ZNF284: variants seen among roughly 807,000 people sequenced by gnomAD.
ZNF284 encodes the protein zinc finger protein 284.
In ZNF284, 12 loss-of-function variants were observed where a neutral mutation model predicts 12.9. The ratio of observed to expected loss-of-function variants is 0.93; its 90% CI spans 0.60 to 1.51. The LOEUF (loss-of-function observed/expected upper bound fraction) is 1.51. ZNF284 is among the 40% of genes most tolerant of loss of function. ZNF284 has a pLI of 0.00. For missense variants in ZNF284, 667 were observed against 707.3 expected (o/e 0.94, Z 0.65); for synonymous variants, 225 against 236.5 (o/e 0.95, Z 0.45).
At position 44,089,286 on chromosome 19, in the gene ZNF284, CT is replaced by C. The variant is rs1048337717; in HGVS notation, c.*2027del. 13 of 152,080 alleles carry C rather than the reference CT, an allele frequency of 8.5e-5. No homozygotes were observed. Among genetic ancestry groups the C allele is most frequent in the Non-Finnish European group, 1.6e-4 (11 of 68,044 alleles). 9.4% of individuals were successfully genotyped at this position (152,080 alleles called of 1,614,324 possible). A position where few individuals can be genotyped will look rare whatever the true frequency, so the allele number is the denominator to read the frequency against. ...GGACTACAGGCATGGACCACCACCCCTGATTGATCTTCTTTAGTTTCTATAA... is the reference window on the plus strand; with the variant it reads ...GGACTACAGGCATGGACCACCACCCCGATTGATCTTCTTTAGTTTCTATAA... On this transcript the variant is annotated 3_prime_UTR_variant, in exon 5 of 5. Coordinates refer to ENST00000421176, the MANE Select transcript of ZNF284 (RefSeq NM_001037813.4).
intron 2 of ZNF284, among the ~76,000 whole-genome samples, chr19:44,078,498 C>T (rs1379002334): frequency 1.3e-5 from 2 of 152,148 alleles, no homozygotes; most frequent in Non-Finnish European, 1.5e-5. Context: ...GAGTTTTGCT[C>T]TGTTGCCTCG....
Position 44,083,315 on chromosome 19 carries a change from TC to T in ZNF284, c.235+1213del, listed in dbSNP as rs1967156305. Among the ~76,000 whole-genome samples the T allele has an allele frequency of 2.0e-5, 3 of 151,530 alleles. No individual in the cohort carries two copies. The South Asian group carries it at 6.3e-4, about 32-fold the overall frequency. ...TGGGTGTGGTAGCACAGTCCTGTAA[TC>T]CCAGCTACTCGGGTGGCTGAGGCGT... On this transcript the variant is annotated intron_variant, in intron 4 of 4. Transcript: ENST00000421176.
At position 44,085,943 on chromosome 19, in the gene ZNF284, C is replaced by A. The variant is rs1282916375; in HGVS notation, c.465C>A (p.Phe155Leu). The A allele has an allele frequency of 1.9e-6, 3 of 1,614,146 alleles. No individual in the cohort carries two copies. The highest frequency in any genetic ancestry group is 2.5e-6 in the Non-Finnish European group (3 of 1,180,012). Residue 155 changes from phenylalanine to leucine, a missense_variant, in exon 5 of 5, where the codon TTC (phenylalanine) becomes TTA (leucine). By Grantham distance (22) the Phe-to-Leu change is conservative. Transcript: ENST00000421176. The stretch of plus-strand genomic sequence containing the variant: ...CTGAGCATGGGAAGTGTAAAAAATT[C>A]TTCAGTGATGTCTCCATCCTTGATC... ...TPSEHGKCKKFFSDVSILDLH... is the reference protein window; with the variant it reads ...TPSEHGKCKKLFSDVSILDLH...
chr19:44,079,066 C>T (rs1275769323), intron 2 of ZNF284, among the ~76,000 whole-genome samples: 2 of 152,106 alleles, frequency 1.3e-5, no homozygotes, highest in Non-Finnish European at 2.9e-5. Flanking sequence ...GCTGGGATTA[C>T]AGGCATGAGC....
chr19:44,077,911 C>T (rs899243104), intron 2 of ZNF284, among the ~76,000 whole-genome samples: 8 of 152,154 alleles, frequency 5.3e-5, no homozygotes, highest in Admixed American at 4.6e-4. Flanking sequence ...GTCCTCTTCT[C>T]TTCCTGTTGT....
chr19:44,081,785 T>C (rs1416005579), intron 3 of ZNF284, among the ~76,000 whole-genome samples: 1 of 151,998 alleles, frequency 6.6e-6, no homozygotes, highest in East Asian at 1.9e-4. Flanking sequence ...TGAGAACTCA[T>C]CCACTATCAC....
At chr19:44,083,503 G>A (rs181273164) in intron 4 of ZNF284, among the ~76,000 whole-genome samples, 1,446 of 21,940 alleles carry the variant, frequency 0.066, 282 homozygotes, top group Middle Eastern at 0.18. Flanking sequence ...AGAGAGAGAG[G>A]GAATGGAATA....
rs74530567 is a variant in ZNF284, at chr19:44,086,861, A to G, written c.1383A>G (p.Gly461=). 4,252 of 1,613,834 alleles carry G rather than the reference A, an allele frequency of 2.6e-3. 9 individuals carry two copies. Among genetic ancestry groups the G allele is most frequent in the African/African-American group, 4.7e-3 (353 of 74,962 alleles). Residue 461 remains glycine, a synonymous_variant, in exon 5 of 5, where the codon GGA becomes GGG. Coordinates refer to ENST00000421176, the MANE Select transcript of ZNF284 (RefSeq NM_001037813.4). The stretch of plus-strand genomic sequence containing the variant: ...GACCTTATAATTGTAAGGAATGTGG[A>G]AAGAGCTTCAGGTGGGCCTCAGGTA... ...GERPYNCKEC[G]KSFRWASGIL...
chr19:44,072,680 A>G (rs150791915), intron 1 of ZNF284, among the ~76,000 whole-genome samples: 18 of 152,304 alleles, frequency 1.2e-4, no homozygotes, highest in Non-Finnish European at 2.2e-4. Context: ...GAAGCCTGTC[A>G]GGTCCCCGGG....
At chr19:44,073,778 G>C (rs888531047) in intron 1 of ZNF284, among the ~76,000 whole-genome samples, 3 of 151,986 alleles carry the variant, frequency 2.0e-5, no homozygotes, top group Non-Finnish European at 2.9e-5. Flanking sequence ...TTGATCTCCT[G>C]ACCTCATGAT....
chr19:44,082,334 C>T (rs1272741088), intron 4 of ZNF284, among the ~76,000 whole-genome samples: 1 of 152,164 alleles, frequency 6.6e-6, no homozygotes, highest in Non-Finnish European at 1.5e-5. Context: ...ATTGCCATTC[C>T]TCAGCTTAAA....
chr19:44,083,502 G>GAGAGAGAGAGAGA (rs1568522599), intron 4 of ZNF284, among the ~76,000 whole-genome samples: 2 of 37,924 alleles, frequency 5.3e-5, no homozygotes, highest in African/African-American at 1.2e-4. Context: ...GAGAGAGAGA[G>GAGAGAGAGAGAGA]GGAATGGAAT....
rs756550819 is a variant in ZNF284 at position 44,076,395 on chromosome 19, C to T, written c.6C>T (p.Thr2=). ...TCCCCAAAGAAGGAGGAAAAATGAC[C>T]ATGTTCAAGGTGAGTAAGTCTGGTC... The part of the protein sequence containing the change: M[T]MFKEAVTFKD... Residue 2 remains threonine (T), a synonymous_variant, in exon 2 of 5, where the codon ACC becomes ACT. Transcript: ENST00000421176. The T allele has an allele frequency of 1.2e-6, 2 of 1,609,684 alleles. No homozygotes were observed. The highest frequency in any genetic ancestry group is 1.7e-6 in the Non-Finnish European group (2 of 1,177,692).
chr19:44,082,054 G>A lies in ZNF284; in HGVS notation c.184G>A (p.Glu62Lys), dbSNP rs1002623252. ...CCGAGATACTTTTCACTTCCAAAGA[G>A]AAGAAAAGTTTTGGATCATGGAGAC... ...SHRDTFHFQR[E>K]EKFWIMETAT... The change falls in exon 4 of 5, where the codon GAA becomes AAA. Residue 62 changes from glutamate (E) to lysine (K), a missense_variant. Transcript: ENST00000421176. 6.2e-7 allele frequency: 1 copy of A among 1,613,598 alleles called. No individual in the cohort carries two copies. The highest frequency in any genetic ancestry group is 8.5e-7 in the Non-Finnish European group (1 of 1,179,758).
chr19:44,078,135 T>C (rs943638856), intron 2 of ZNF284, among the ~76,000 whole-genome samples: 7 of 152,046 alleles, frequency 4.6e-5, no homozygotes, highest in African/African-American at 2.4e-5. Context: ...AGAAAAAAAT[T>C]CAAAGGAATA....
Position 44,087,167 on chromosome 19 carries a change from A to G in ZNF284, c.1689A>G (p.Gly563=). 6.2e-7 allele frequency: 1 copy of G among 1,614,014 alleles called. No individual in the cohort carries two copies. The highest frequency in any genetic ancestry group is 8.5e-7 in the Non-Finnish European group (1 of 1,179,886). The change falls in exon 5 of 5, where the codon GGA becomes GGG. Residue 563 remains glycine, a synonymous_variant. Coordinates refer to ENST00000421176, the MANE Select transcript of ZNF284 (RefSeq NM_001037813.4). The part of the protein sequence containing the change: ...CLQDQQSDHS[G]EKTSKCEDCG... ...AAGACCAACAAAGCGACCACAGTGGAGAAAAAACATCCAAATGTGAGGACT... is the reference window on the plus strand; with the variant it reads ...AAGACCAACAAAGCGACCACAGTGGGGAAAAAACATCCAAATGTGAGGACT...
In ZNF284 at chr19:44,086,060, G is replaced by A. The variant is rs761443169; in HGVS notation, c.582G>A (p.Gln194=). The A allele has an allele frequency of 4.3e-5, 69 of 1,614,088 alleles. No homozygotes were observed. The highest frequency in any genetic ancestry group is 1.6e-4 in the Middle Eastern group (1 of 6,084). ...ATAGCTCAGCTCTTTGTCTTCATCA[G>A]AAAGTTCACATGGGAGAGAAACGCT... ...FCYSSALCLH[Q]KVHMGEKRYK... The change falls in exon 5 of 5, where the codon CAG becomes CAA. Residue 194 remains glutamine, a synonymous_variant. Coordinates refer to ENST00000421176, the MANE Select transcript of ZNF284 (RefSeq NM_001037813.4).
At position 44,086,677 on chromosome 19, in the gene ZNF284, A is replaced by C; in HGVS notation, c.1199A>C (p.Lys400Thr). ...QRVHNGETTF[K>T]CDGCGKRFYM... ...GTCCACAATGGAGAAACAACATTCA[A>C]GTGCGACGGATGTGGGAAGAGATTT... Residue 400 changes from lysine to threonine, a missense_variant, in exon 5 of 5, where the codon AAG becomes ACG. Physicochemically the swap from Lys to Thr is moderately conservative, Grantham distance 78 (BLOSUM62 -1). Coordinates refer to ENST00000421176, the MANE Select transcript of ZNF284 (RefSeq NM_001037813.4). The C allele has an allele frequency of 6.2e-7, 1 of 1,614,114 alleles. No homozygotes were observed. The highest frequency in any genetic ancestry group is 8.5e-7 in the Non-Finnish European group (1 of 1,179,954).
Position 44,086,488 on chromosome 19 carries a change from A to C in ZNF284, c.1010A>C (p.His337Pro). The change falls in exon 5 of 5, where the codon CAC becomes CCC. Residue 337 changes from histidine (H) to proline (P), a missense_variant. Transcript: ENST00000421176. ...RSALNSHCMD[H>P]TKEKLYKCEE... The stretch of plus-strand genomic sequence containing the variant: ...GCACTTAATAGTCATTGCATGGACC[A>C]CACAAAAGAGAAACTATACAAATGT... The C allele has an allele frequency of 2.5e-6, 4 of 1,614,226 alleles. No homozygotes were observed. Among genetic ancestry groups the C allele is most frequent in the Non-Finnish European group, 3.4e-6 (4 of 1,180,036 alleles).
Sources: gnomAD v4.1 joint callset for allele counts (sites outside exome capture counted in the v4.1 genomes callset) on GRCh38, gnomAD v4.1.1 for gene constraint, MANE v1.5 for transcripts, NCBI Gene and HGNC (gene_info 2026-07-23, HGNC 2026-07-21) for gene names.